Variants in SMURF2 observed in about 807,000 individuals in gnomAD.
SMURF2 encodes E3 ubiquitin-protein ligase SMURF2.
Under a neutral mutation model 109.6 loss-of-function variants are expected in SMURF2, and 48 were observed. That is an observed-to-expected ratio of 0.44 (90% CI 0.35 to 0.56). The LOEUF is 0.56. SMURF2 is among the 20% of genes least tolerant of loss of function. SMURF2 has a pLI of 0.01. For synonymous variants in SMURF2, 288 were observed against 317.1 expected, an observed-to-expected ratio of 0.91 and a Z score of 0.97; for missense variants, 575 against 909.0, an observed-to-expected ratio of 0.63 and a Z score of 4.72.
At chr17:64,652,211 A>G (rs1360999002) in intron 1 of SMURF2, among the ~76,000 whole-genome samples, 2 of 152,198 alleles carry the variant, frequency 1.3e-5, no homozygotes, top group Admixed American at 1.3e-4. Flanking sequence ...GGCTTTTCCT[A>G]ATTTCTTATA....
chr17:64,577,947 T>G (rs560663507), intron 9 of SMURF2, among the ~76,000 whole-genome samples: 1 of 146,548 alleles, frequency 6.8e-6, no homozygotes, highest in African/African-American at 2.5e-5. Flanking sequence ...TCCACTTTTT[T>G]TTTTTTTTTT....
At chr17:64,576,546 C>G (rs1438656388) in intron 9 of SMURF2, among the ~76,000 whole-genome samples, 1 of 151,814 alleles carries the variant, frequency 6.6e-6, no homozygotes, top group Non-Finnish European at 1.5e-5. Flanking sequence ...TGCCTGTAAT[C>G]CTAGCTACTC....
intron 16 of SMURF2, among the ~76,000 whole-genome samples, chr17:64,550,795 T>G (rs1969034275): frequency 6.6e-6 from 1 of 151,766 alleles, no homozygotes; most frequent in South Asian, 2.1e-4. Context: ...ACATTTAGAT[T>G]CAATTTATCC....
Position 64,598,442 on chromosome 17 carries a change from C to T in SMURF2, c.140G>A (p.Cys47Tyr). The part of the protein sequence containing the change: ...AKVVVDGSGQ[C>Y]HSTDTVKNTL... ...ATTCTTCACAGTATCTGTAGAATGG[C>T]ATTGCCCAGATCCATCAACCACCAC... The change falls in exon 3 of 19, where the codon TGC becomes TAC. Residue 47 changes from cysteine (C) to tyrosine (Y), a missense_variant. Coordinates refer to ENST00000262435, the MANE Select transcript of SMURF2 (RefSeq NM_022739.4). 6.2e-7 allele frequency: 1 copy of T among 1,610,308 alleles called. No homozygotes were observed. The highest frequency in any genetic ancestry group is 8.5e-7 in the Non-Finnish European group (1 of 1,179,090).
In SMURF2 at chr17:64,554,031, A is replaced by G. The variant is rs569047424; in HGVS notation, c.1748+825T>C. Among the ~76,000 whole-genome samples the G allele has an allele frequency of 2.0e-5, 3 of 152,364 alleles. No homozygotes were observed. In the South Asian group the frequency reaches 6.2e-4, roughly 32 times the overall value. On this transcript the variant is annotated intron_variant, in intron 15 of 18. Coordinates refer to ENST00000262435, the MANE Select transcript of SMURF2 (RefSeq NM_022739.4). ...TTCTCATAAGCCAAATTAGCCCAATACATAAAAATTCCTCAATTTTTACTT... is the reference window on the plus strand; with the variant it reads ...TTCTCATAAGCCAAATTAGCCCAATGCATAAAAATTCCTCAATTTTTACTT...
chr17:64,625,129 G>C (rs1970252012), intron 1 of SMURF2, among the ~76,000 whole-genome samples: 4 of 152,296 alleles, frequency 2.6e-5, no homozygotes, highest in African/African-American at 7.2e-5. Flanking sequence ...CTCAGTTTCT[G>C]AGGCTTTCCA....
intron 1 of SMURF2, among the ~76,000 whole-genome samples, chr17:64,643,704 C>G (rs1970520835): frequency 1.3e-5 from 2 of 152,208 alleles, no homozygotes; most frequent in African/African-American, 4.8e-5. Flanking sequence ...CTTCATTACA[C>G]TCTTTGACCT....
chr17:64,569,690 A>G (rs1306133253), intron 10 of SMURF2, among the ~76,000 whole-genome samples: 1 of 152,234 alleles, frequency 6.6e-6, no homozygotes, highest in Admixed American at 6.5e-5. Context: ...GTCCAACAAC[A>G]GCAAGTACTG....
At chr17:64,644,971 G>A (rs575467105) in intron 1 of SMURF2, among the ~76,000 whole-genome samples, 1 of 151,548 alleles carries the variant, frequency 6.6e-6, no homozygotes, top group South Asian at 2.1e-4. Context: ...TCACACCACT[G>A]CACTTCAGCC....
At chr17:64,640,618 C>A (rs782586324) in intron 1 of SMURF2, among the ~76,000 whole-genome samples, 2 of 151,830 alleles carry the variant, frequency 1.3e-5, no homozygotes, top group Admixed American at 6.6e-5. Context: ...GGATTATAGA[C>A]GGGTTAAAGA....
chr17:64,631,270 G>A (rs1970336504), intron 1 of SMURF2, among the ~76,000 whole-genome samples: 1 of 6,762 alleles, frequency 1.5e-4, no homozygotes, highest in Non-Finnish European at 5.0e-4. Flanking sequence ...GGGGGGGAGA[G>A]AGGGGGGGGG....
chr17:64,627,895 C>T (rs180686956), intron 1 of SMURF2, among the ~76,000 whole-genome samples: 1 of 152,284 alleles, frequency 6.6e-6, no homozygotes, highest in East Asian at 1.9e-4. Context: ...GATCTCCATC[C>T]CTGACAGCGC....
At chr17:64,639,318 T>C (rs964309047) in intron 1 of SMURF2, among the ~76,000 whole-genome samples, 1 of 152,198 alleles carries the variant, frequency 6.6e-6, no homozygotes, top group Non-Finnish European at 1.5e-5. Context: ...GAGTCACACC[T>C]GTAATCCCAG....
chr17:64,597,589 A>G lies in SMURF2; in HGVS notation c.200+793T>C, dbSNP rs145357851. On this transcript the variant is annotated intron_variant, in intron 3 of 18. Transcript: ENST00000262435. ...GGAGTTCGAGACCAGCCTGGCCAACATGGTGAAATCCCATCTCTACTAAAA... is the reference window on the plus strand; with the variant it reads ...GGAGTTCGAGACCAGCCTGGCCAACGTGGTGAAATCCCATCTCTACTAAAA... 5.7e-3 allele frequency among the ~76,000 whole-genome samples: 863 copies of G among 152,008 alleles called. 13 individuals carry two copies. Among genetic ancestry groups the G allele is most frequent in the African/African-American group, 0.02 (812 of 41,450 alleles).
intron 1 of SMURF2, among the ~76,000 whole-genome samples, chr17:64,621,054 A>G (rs1555690559): frequency 6.6e-6 from 1 of 152,198 alleles, no homozygotes; most frequent in African/African-American, 2.4e-5. Context: ...ACAATAGAAA[A>G]GTATATTGTC....
At chr17:64,598,528 T>C in intron 2 of SMURF2, 38 bp from the exon 3 acceptor site, 3 of 1,508,954 alleles carry the variant, frequency 2.0e-6, no homozygotes, top group Non-Finnish European at 2.7e-6. Context: ...TAATTTGACA[T>C]TTAAGATAGA....
intron 1 of SMURF2, among the ~76,000 whole-genome samples, chr17:64,636,810 T>C (rs1249864319): frequency 2.6e-5 from 4 of 151,786 alleles, no homozygotes; most frequent in African/African-American, 4.8e-5. Flanking sequence ...GAGTTCTTTA[T>C]ATATTCTGTA....
chr17:64,574,107 C>T (rs1409865014), intron 9 of SMURF2, among the ~76,000 whole-genome samples: 2 of 150,976 alleles, frequency 1.3e-5, no homozygotes, highest in Non-Finnish European at 2.9e-5. Context: ...CAAACCTGCA[C>T]ATGTACCCCT....
At chr17:64,548,752 CCT>C (rs1344192587) in intron 16 of SMURF2, among the ~76,000 whole-genome samples, 4 of 152,120 alleles carry the variant, frequency 2.6e-5, no homozygotes, top group African/African-American at 4.8e-5. Context: ...TTGATACAGA[CCT>C]CTGCTAAACA....
Sources: gnomAD v4.1 joint callset for allele counts (sites outside exome capture counted in the v4.1 genomes callset) on GRCh38, gnomAD v4.1.1 for gene constraint, MANE v1.5 for transcripts, NCBI Gene and HGNC (gene_info 2026-07-23, HGNC 2026-07-21) for gene names.